Variants in KDM2B observed in about 807,000 individuals in gnomAD.
KDM2B encodes lysine-specific demethylase 2B.
In KDM2B, 26 loss-of-function variants were observed where a neutral mutation model predicts 150.0. That is an observed-to-expected ratio of 0.17 (90% CI 0.13 to 0.24). The LOEUF (loss-of-function observed/expected upper bound fraction) is 0.24, where lower values mean the gene tolerates loss of function less well. Ranked by LOEUF, KDM2B falls within the 10% of genes least tolerant of loss-of-function variation. The pLI is 1.00. For synonymous variants in KDM2B, 734 were observed against 729.5 expected (o/e 1.01, Z -0.10); for missense variants, 1,265 against 1,816.9 (o/e 0.70, Z 5.52).
At chr12:121,479,837 G>A (rs1881891365) in intron 12 of KDM2B, among the ~76,000 whole-genome samples, 1 of 151,984 alleles carries the variant, frequency 6.6e-6, no homozygotes, top group South Asian at 2.1e-4. Context: ...GGCCAAGCTG[G>A]TCTTGAACTC....
chr12:121,498,669 C>T (rs1204447624), intron 11 of KDM2B, among the ~76,000 whole-genome samples: 2 of 151,970 alleles, frequency 1.3e-5, no homozygotes, highest in Admixed American at 6.6e-5. Flanking sequence ...AAATGTCTTA[C>T]GATTTCTTGT....
chr12:121,439,806 C>G (rs1386221817), intron 22 of KDM2B, 51 bp downstream of exon 22: 1 of 1,378,820 alleles, frequency 7.3e-7, no homozygotes, highest in East Asian at 2.3e-5. Flanking sequence ...TGTGAACCTC[C>G]TGGTTCTCCC....
At chr12:121,579,004 C>A (rs1555317413) in intron 1 of KDM2B, 58 bp from the exon 2 acceptor site, 1 of 1,568,484 alleles carries the variant, frequency 6.4e-7, no homozygotes, top group Admixed American at 1.7e-5. Context: ...GAGGTCGCCT[C>A]TCAACCTGGG....
chr12:121,483,471 G>A (rs577719555), intron 12 of KDM2B, among the ~76,000 whole-genome samples: 1 of 151,766 alleles, frequency 6.6e-6, no homozygotes, highest in Non-Finnish European at 1.5e-5. Context: ...CCAGGAGATT[G>A]AGACCAGCCT....
intron 2 of KDM2B, among the ~76,000 whole-genome samples, chr12:121,578,028 G>A (rs1555317114): frequency 2.0e-5 from 3 of 152,182 alleles, no homozygotes; most frequent in Admixed American, 6.5e-5. Flanking sequence ...GGGCCCACAA[G>A]GAACAGAGCT....
At position 121,439,878 on chromosome 12, in the gene KDM2B, A is replaced by G; in HGVS notation, c.3808T>C (p.Leu1270=). 6.2e-7 allele frequency: 1 copy of G among 1,614,180 alleles called. No individual in the cohort carries two copies. Among genetic ancestry groups the G allele is most frequent in the African/African-American group, 1.3e-5 (1 of 75,052 alleles). Residue 1270 remains leucine (L), a synonymous_variant, in exon 22 of 23, where the codon TTA becomes CTA. Coordinates refer to ENST00000377071, the MANE Select transcript of KDM2B (RefSeq NM_032590.5). ...TCACCAGACAGGTTGATCTCGGTTA[A>G]GGAGTCTCGGGTGGTGGTGCCAACA... The part of the protein sequence containing the change: ...TAVGTTTRDS[L]TEINLSDCNK...
At chr12:121,443,312 C>T in intron 17 of KDM2B, 2 of 580,936 alleles carry the variant, frequency 3.4e-6, no homozygotes, top group East Asian at 2.9e-5. Flanking sequence ...AAATCATCCT[C>T]GGCTCTGGGA....
chr12:121,548,125 T>G (rs1185840278), intron 6 of KDM2B, among the ~76,000 whole-genome samples: 1 of 152,036 alleles, frequency 6.6e-6, no homozygotes, highest in Non-Finnish European at 1.5e-5. Context: ...TATTAAACCA[T>G]GGTTGGCCAG....
chr12:121,456,535 G>GAGCTGGAGAGTCTAAAGACTCTAA (rs1555292794), intron 12 of KDM2B, among the ~76,000 whole-genome samples: 2 of 152,162 alleles, frequency 1.3e-5, no homozygotes, highest in Non-Finnish European at 2.9e-5. Context: ...GACAAAACCA[G>GAGCTGGAGAGTCTAAAGACTCTAA]ATCCCCGGAG....
At chr12:121,418,161 A>G in the KDM2B span, 2 of 495,910 alleles carry the variant, frequency 4.0e-6, no homozygotes, top group Non-Finnish European at 7.2e-6. Context: ...GCCTTAGTTA[A>G]TTTCTCTGTC....
At chr12:121,538,264 C>A (rs1888328347) in intron 6 of KDM2B, among the ~76,000 whole-genome samples, 1 of 151,988 alleles carries the variant, frequency 6.6e-6, no homozygotes, top group Non-Finnish European at 1.5e-5. Flanking sequence ...CTCTCCCCAC[C>A]CCCCTGAGCC....
At position 121,520,363 on chromosome 12, in the gene KDM2B, G is replaced by T. The variant is rs897840540; in HGVS notation, c.1047+622C>A. 6.6e-6 allele frequency among the ~76,000 whole-genome samples: 1 copy of T among 152,150 alleles called. No homozygotes were observed. Among genetic ancestry groups the T allele is most frequent in the Non-Finnish European group, 1.5e-5 (1 of 68,026 alleles). On this transcript the variant is annotated intron_variant, in intron 9 of 22. Coordinates refer to ENST00000377071, the MANE Select transcript of KDM2B (RefSeq NM_032590.5). This position sits in a 1 kb window ranked among gnomAD's most constrained non-coding sequence, Gnocchi z 4.5. ...ACCTAAGCCTCCGCCCATGTTCGTA[G>T]GACATGGGGTGAGTGAGGGAAACTT...
chr12:121,485,188 C>G (rs1163247298), intron 12 of KDM2B, among the ~76,000 whole-genome samples: 1 of 152,078 alleles, frequency 6.6e-6, no homozygotes. Context: ...TTATGAAGCC[C>G]TAGTCGACTA....
chr12:121,519,331 G>C (rs999656865), intron 9 of KDM2B, among the ~76,000 whole-genome samples: 8 of 152,214 alleles, frequency 5.3e-5, no homozygotes, highest in Admixed American at 2.6e-4. Flanking sequence ...GTGCCCTTGT[G>C]AGACCTCTCC....
At chr12:121,578,469 C>T (rs1025425943) in intron 2 of KDM2B, among the ~76,000 whole-genome samples, 7 of 152,120 alleles carry the variant, frequency 4.6e-5, no homozygotes, top group East Asian at 1.9e-4. Flanking sequence ...GGAGCGCGAC[C>T]GGCTCGGGGA....
chr12:121,442,053 TG>T lies in KDM2B; in HGVS notation c.3284+103del, dbSNP rs1875194325. ...TTTGCGGAGCACAATGAAGCCATAC[TG>T]GGGTTTGGAAGGAAAGAGCATCGCC... On this transcript the variant is annotated intron_variant, in intron 19 of 22. Coordinates refer to ENST00000377071, the MANE Select transcript of KDM2B (RefSeq NM_032590.5). The surrounding 1 kb of genome is among the most constrained non-coding windows in gnomAD (Gnocchi z 7.7). 1 of 944,024 alleles carries T rather than the reference TG, an allele frequency of 1.1e-6. No individual in the cohort carries two copies. The highest frequency in any genetic ancestry group is 1.7e-6 in the Non-Finnish European group (1 of 601,780). The allele number at this position is 944,024 out of a possible 1,614,324, so 58.5% of individuals were successfully genotyped here.
chr12:121,503,498 A>T (rs1349175091), intron 11 of KDM2B, among the ~76,000 whole-genome samples: 2 of 151,330 alleles, frequency 1.3e-5, no homozygotes, highest in Non-Finnish European at 2.9e-5. Flanking sequence ...GTTTTTGTAG[A>T]CTGGGGTCTC....
At chr12:121,545,958 G>T (rs1247891466) in intron 6 of KDM2B, among the ~76,000 whole-genome samples, 1 of 151,884 alleles carries the variant, frequency 6.6e-6, no homozygotes, top group Non-Finnish European at 1.5e-5. Flanking sequence ...CTTCACCTAA[G>T]TAACCCTGCT....
chr12:121,525,913 T>C (rs1566376901), intron 8 of KDM2B, among the ~76,000 whole-genome samples: 1 of 152,156 alleles, frequency 6.6e-6, no homozygotes, highest in East Asian at 1.9e-4. Context: ...TCCCCACTTA[T>C]ATGACAAATA....
Sources: gnomAD v4.1 joint callset for allele counts (sites outside exome capture counted in the v4.1 genomes callset) on GRCh38, gnomAD v4.1.1 for gene constraint, Gnocchi (gnomAD v3.1) non-coding constraint, MANE v1.5 for transcripts, NCBI Gene and HGNC (gene_info 2026-07-23, HGNC 2026-07-21) for gene names.